Variants in ZSWIM5 observed in about 807,000 individuals in gnomAD.
The protein encoded by ZSWIM5 is zinc finger SWIM domain-containing protein 5.
Under a neutral mutation model 119.6 loss-of-function variants are expected in ZSWIM5, and 55 were observed. The observed-to-expected ratio is 0.46, with a 90% CI of 0.37 to 0.58. ZSWIM5 has a LOEUF of 0.58. Among genes scored for constraint, ZSWIM5 ranks in the 20% least tolerant of loss-of-function variants. The probability of loss-of-function intolerance (pLI) is 0.00; values close to 1 mark genes in which losing one functional copy is unlikely to be tolerated. For synonymous variants in ZSWIM5, 537 were observed against 606.9 expected (o/e 0.88, Z 1.69); for missense variants, 1,193 against 1,512.8 (o/e 0.79, Z 3.51).
Position 45,205,945 on chromosome 1 carries a change from C to T in ZSWIM5, c.406G>A (p.Glu136Lys). ...AGGAAGASPA[E>K]EGPQPPPGAA... ...CCGGGGGGTGGCTGCGGCCCCTCCT[C>T]GGCCGGCGAAGCCCCCGCGGCGCCG... is the stretch of plus-strand genomic sequence containing the variant. Residue 136 changes from glutamate to lysine, a missense_variant, in exon 1 of 14, where the codon GAG becomes AAG. Glu to Lys is a moderately conservative substitution (Grantham distance 56). Transcript: ENST00000359600. 1 of 1,250,172 alleles carries T rather than the reference C, an allele frequency of 8.0e-7. No homozygotes were observed. The highest frequency in any genetic ancestry group is 1.0e-6 in the Non-Finnish European group (1 of 995,018). The allele number at this position is 1,250,172 out of a possible 1,614,324, so 77.4% of individuals were successfully genotyped here. A position where few individuals can be genotyped will look rare whatever the true frequency, so the allele number is the denominator to read the frequency against.
Position 45,127,581 on chromosome 1 carries a change from C to A in ZSWIM5, c.596-39344G>T, listed in dbSNP as rs527259809. 2.0e-5 allele frequency among the ~76,000 whole-genome samples: 3 copies of A among 151,842 alleles called. No individual in the cohort carries two copies. The South Asian group carries it at 6.2e-4, about 32-fold the overall frequency. ...GGGTAGCTGGGCCTACAGGTGCACACCACGATGCCAGGCTAATTTAAAAAA... is the reference window on the plus strand; with the variant it reads ...GGGTAGCTGGGCCTACAGGTGCACAACACGATGCCAGGCTAATTTAAAAAA... On this transcript the variant is annotated intron_variant, in intron 1 of 13. Transcript: ENST00000359600.
chr1:45,140,113 GTACTAA>G (rs1310091474), intron 1 of ZSWIM5, among the ~76,000 whole-genome samples: 1 of 152,114 alleles, frequency 6.6e-6, no homozygotes, highest in Non-Finnish European at 1.5e-5. Context: ...CTGTGATAAG[GTACTAA>G]TACTATTAGT....
At chr1:45,174,974 T>A (rs1313755690) in intron 1 of ZSWIM5, among the ~76,000 whole-genome samples, 1 of 152,030 alleles carries the variant, frequency 6.6e-6, no homozygotes, top group Non-Finnish European at 1.5e-5. Flanking sequence ...AACATTATCA[T>A]ATAATGCACA....
chr1:45,141,485 T>C (rs1645727095), intron 1 of ZSWIM5, among the ~76,000 whole-genome samples: 1 of 152,010 alleles, frequency 6.6e-6, no homozygotes, highest in African/African-American at 2.4e-5. Flanking sequence ...CAATTCAGCA[T>C]ATAATAAACA....
intron 1 of ZSWIM5, among the ~76,000 whole-genome samples, chr1:45,192,352 T>C (rs1293497502): frequency 6.6e-6 from 1 of 152,208 alleles, no homozygotes; most frequent in Non-Finnish European, 1.5e-5. Flanking sequence ...CCTACCTAAA[T>C]ACTGCATGTA....
intron 3 of ZSWIM5, among the ~76,000 whole-genome samples, chr1:45,059,076 G>C (rs983719532): frequency 2.0e-5 from 3 of 152,150 alleles, no homozygotes; most frequent in Non-Finnish European, 4.4e-5. Context: ...AGCCACCTTG[G>C]AAAACAGACT....
intron 11 of ZSWIM5, among the ~76,000 whole-genome samples, chr1:45,024,366 A>T (rs2148987493): frequency 6.7e-6 from 1 of 149,868 alleles, no homozygotes; most frequent in East Asian, 2.0e-4. Flanking sequence ...TACTTTTTAA[A>T]TTTTTATTAG....
intron 1 of ZSWIM5, among the ~76,000 whole-genome samples, chr1:45,181,870 C>G (rs1392912354): frequency 1.3e-5 from 2 of 152,188 alleles, no homozygotes; most frequent in African/African-American, 4.8e-5. Context: ...ACTTTACAGA[C>G]AAGCAAATGC....
Position 45,036,076 on chromosome 1 carries a change from C to T in ZSWIM5, c.2118G>A (p.Val706=). The T allele has an allele frequency of 1.2e-6, 2 of 1,614,140 alleles. No individual in the cohort carries two copies. The highest frequency in any genetic ancestry group is 1.3e-5 in the African/African-American group (1 of 75,014). ...AGATGCATTGTTTTTGCAGTGTTTG[C>T]ACTAGCTCATCGTCCAGCTGCAGCT... ...LQELQLDDEL[V]QTLQKQCILL... The change falls in exon 9 of 14, where the codon GTG becomes GTA. Residue 706 remains valine, a synonymous_variant. Transcript: ENST00000359600.
At chr1:45,049,324 A>G (rs1352418702) in intron 5 of ZSWIM5, among the ~76,000 whole-genome samples, 1 of 152,124 alleles carries the variant, frequency 6.6e-6, no homozygotes, top group Non-Finnish European at 1.5e-5. Context: ...AGAAGGTAGG[A>G]AGAATTATGT....
intron 5 of ZSWIM5, among the ~76,000 whole-genome samples, chr1:45,046,411 T>C (rs532807778): frequency 6.5e-4 from 99 of 152,278 alleles, no homozygotes; most frequent in African/African-American, 2.3e-3. Context: ...GATTTGCTCA[T>C]GGATTACAGC....
At chr1:45,146,963 C>T (rs919618167) in intron 1 of ZSWIM5, among the ~76,000 whole-genome samples, 1 of 152,046 alleles carries the variant, frequency 6.6e-6, no homozygotes, top group African/African-American at 2.4e-5. Context: ...CTGAGAAATA[C>T]AGTTCTGTTA....
rs1241708086 is a variant in ZSWIM5, at chr1:45,205,916, G to T, written c.435C>A (p.Ala145=). ...AEEGPQPPPG[A]AAPAGSAPGG... ...CGGGGGCGGAGCCGGCCGGAGCGGC[G>T]GCCCCGGGGGGTGGCTGCGGCCCCT... Residue 145 remains alanine (A), a synonymous_variant, in exon 1 of 14, where the codon GCC becomes GCA. Transcript: ENST00000359600. The T allele has an allele frequency of 2.8e-5, 30 of 1,069,984 alleles. No individual in the cohort carries two copies. The highest frequency in any genetic ancestry group is 3.2e-5 in the Non-Finnish European group (28 of 885,136). 66.3% of individuals were successfully genotyped at this position (1,069,984 alleles called of 1,614,324 possible).
intron 1 of ZSWIM5, among the ~76,000 whole-genome samples, chr1:45,170,532 C>T (rs1645940045): frequency 6.6e-6 from 1 of 151,792 alleles, no homozygotes; most frequent in African/African-American, 2.4e-5. Flanking sequence ...TCAAGTGATC[C>T]TCCTGCCTCA....
intron 1 of ZSWIM5, among the ~76,000 whole-genome samples, chr1:45,134,273 A>T (rs1223937864): frequency 4.6e-5 from 7 of 152,180 alleles, no homozygotes; most frequent in Non-Finnish European, 1.0e-4. Flanking sequence ...AAGCAAAACT[A>T]GTGAAAATAA....
intron 1 of ZSWIM5, among the ~76,000 whole-genome samples, chr1:45,150,186 A>AAAG (rs1553198715): frequency 1.3e-4 from 19 of 150,662 alleles, no homozygotes; most frequent in African/African-American, 4.6e-4. Context: ...AAAAAAAAAA[A>AAAG]AAAAAGAAAA....
chr1:45,192,125 T>C (rs1368786805), intron 1 of ZSWIM5, among the ~76,000 whole-genome samples: 6 of 152,212 alleles, frequency 3.9e-5, no homozygotes, highest in Non-Finnish European at 1.5e-5. Context: ...TTTAACTTTT[T>C]TATTGTGGTA....
intron 2 of ZSWIM5, among the ~76,000 whole-genome samples, chr1:45,068,604 T>C (rs1645200585): frequency 6.6e-6 from 1 of 152,138 alleles, no homozygotes; most frequent in African/African-American, 2.4e-5. Flanking sequence ...GGTTTTACTC[T>C]TCTACTTTTC....
At chr1:45,144,392 C>G (rs1054434231) in intron 1 of ZSWIM5, among the ~76,000 whole-genome samples, 2 of 151,520 alleles carry the variant, frequency 1.3e-5, no homozygotes, top group African/African-American at 4.8e-5. Flanking sequence ...AAATTGCCAG[C>G]CATGATGGTG....
Sources: gnomAD v4.1 joint callset for allele counts (sites outside exome capture counted in the v4.1 genomes callset) on GRCh38, gnomAD v4.1.1 for gene constraint, MANE v1.5 for transcripts, NCBI Gene and HGNC (gene_info 2026-07-23, HGNC 2026-07-21) for gene names.